The following GPC5 variants were observed in gnomAD, a reference collection of about 807,000 sequenced individuals.
The protein encoded by GPC5 is glypican-5.
A neutral mutation model predicts 53.9 loss-of-function variants in GPC5; 47 were observed. The observed-to-expected ratio is 0.87, with a 90% CI of 0.69 to 1.11. The LOEUF is 1.11. GPC5 is among the 50% of genes most tolerant of loss of function. GPC5 has a pLI of 0.00. For synonymous variants in GPC5, 286 were observed against 263.3 expected (o/e 1.09, Z -0.84); for missense variants, 748 against 713.1 (o/e 1.05, Z -0.56).
At chr13:92,813,454 C>T (rs1473551141) in intron 7 of GPC5, among the ~76,000 whole-genome samples, 1 of 151,930 alleles carries the variant, frequency 6.6e-6, no homozygotes, top group Admixed American at 6.6e-5. Flanking sequence ...ATCTCTTATT[C>T]AGCATTCCCA....
At chr13:92,858,020 T>C (rs1191996370) in intron 7 of GPC5, among the ~76,000 whole-genome samples, 2 of 152,200 alleles carry the variant, frequency 1.3e-5, no homozygotes, top group Non-Finnish European at 2.9e-5. Context: ...CGCACTCATA[T>C]GTTCATCACA....
intron 7 of GPC5, among the ~76,000 whole-genome samples, chr13:92,438,052 C>A (rs1434906384): frequency 1.3e-5 from 2 of 152,028 alleles, no homozygotes; most frequent in African/African-American, 4.8e-5. Flanking sequence ...ATGCTCATAT[C>A]TTCAACCCAC....
intron 7 of GPC5, among the ~76,000 whole-genome samples, chr13:92,375,156 C>T (rs1038358628): frequency 8.5e-5 from 13 of 152,136 alleles, no homozygotes; most frequent in African/African-American, 2.9e-4. Context: ...TTATATAGTC[C>T]TAAAGACTAG....
At chr13:92,089,295 A>G (rs950226142) in intron 6 of GPC5, among the ~76,000 whole-genome samples, 1 of 152,048 alleles carries the variant, frequency 6.6e-6, no homozygotes, top group Non-Finnish European at 1.5e-5. Context: ...TTAGCCAGGC[A>G]TTGTGGCGGG....
chr13:92,461,286 T>G (rs1878468444), intron 7 of GPC5, among the ~76,000 whole-genome samples: 1 of 152,134 alleles, frequency 6.6e-6, no homozygotes, highest in Admixed American at 6.6e-5. Context: ...CTTCTATGGG[T>G]CAGGTCCTGC....
At chr13:91,495,207 C>T (rs2139270168) in intron 2 of GPC5, among the ~76,000 whole-genome samples, 1 of 152,222 alleles carries the variant, frequency 6.6e-6, no homozygotes, top group East Asian at 1.9e-4. Context: ...AATATATCCA[C>T]AATCTGAATA....
At chr13:92,697,130 G>A (rs9523781) in intron 7 of GPC5, among the ~76,000 whole-genome samples, 80,717 of 149,048 alleles carry the variant, frequency 0.54, 22,704 homozygotes, top group East Asian at 0.82. Context: ...GTCAGGTAGC[G>A]TGATGCCTCC....
intron 7 of GPC5, among the ~76,000 whole-genome samples, chr13:92,527,113 AAAGAAAGAAAGAAAGAAAG>A (rs1881318300): frequency 8.3e-5 from 4 of 48,374 alleles, no homozygotes; most frequent in African/African-American, 3.0e-4. Flanking sequence ...AAGAAAAAAG[AAAGAAAGAAAGAAAGAAAG>A]AAAGAAAGAA....
At chr13:92,011,495 T>A (rs1333480398) in intron 6 of GPC5, among the ~76,000 whole-genome samples, 1 of 152,196 alleles carries the variant, frequency 6.6e-6, no homozygotes, top group Non-Finnish European at 1.5e-5. Context: ...TGAATTTTGA[T>A]TTATATTTTT....
intron 7 of GPC5, among the ~76,000 whole-genome samples, chr13:92,839,293 G>C (rs1390838738): frequency 2.0e-5 from 3 of 152,178 alleles, no homozygotes; most frequent in Admixed American, 1.3e-4. Context: ...ATGTTTGACT[G>C]TATTTTCTCT....
chr13:92,394,429 T>TA (rs905165400), intron 7 of GPC5, among the ~76,000 whole-genome samples: 34 of 151,666 alleles, frequency 2.2e-4, no homozygotes, highest in Non-Finnish European at 4.4e-4. Context: ...AGTGCCCTAA[T>TA]AAAAAAAAGA....
At chr13:91,728,286 T>C (rs893289918) in intron 3 of GPC5, among the ~76,000 whole-genome samples, 1 of 152,174 alleles carries the variant, frequency 6.6e-6, no homozygotes, top group African/African-American at 2.4e-5. Context: ...ATTTTGCGTA[T>C]CTTACACATG....
chr13:92,154,642 C>T (rs2041930425), intron 7 of GPC5, among the ~76,000 whole-genome samples: 1 of 152,128 alleles, frequency 6.6e-6, no homozygotes, highest in African/African-American at 2.4e-5. Flanking sequence ...GTACCTTTTC[C>T]ATTTGCCTTT....
At chr13:92,486,353 A>G (rs1363973503) in intron 7 of GPC5, among the ~76,000 whole-genome samples, 2 of 152,228 alleles carry the variant, frequency 1.3e-5, no homozygotes, top group African/African-American at 4.8e-5. Context: ...ATCTGTTGGC[A>G]TCATTGTCAT....
At chr13:92,284,147 G>T (rs946227107) in intron 7 of GPC5, among the ~76,000 whole-genome samples, 1 of 152,086 alleles carries the variant, frequency 6.6e-6, no homozygotes, top group Non-Finnish European at 1.5e-5. Context: ...AGAAGAAATG[G>T]ACAAATTCTT....
intron 7 of GPC5, among the ~76,000 whole-genome samples, chr13:92,767,413 G>T (rs1875446005): frequency 6.6e-6 from 1 of 152,312 alleles, no homozygotes; most frequent in African/African-American, 2.4e-5. Context: ...AGAGGTTGCA[G>T]TGAGCCGGGA....
At chr13:91,410,132 T>A (rs1465457895) in intron 1 of GPC5, among the ~76,000 whole-genome samples, 1 of 152,202 alleles carries the variant, frequency 6.6e-6, no homozygotes, top group African/African-American at 2.4e-5. Flanking sequence ...TCAGAAAGTA[T>A]TTCTCTTTAT....
At chr13:91,591,415 T>C (rs1275839750) in intron 2 of GPC5, among the ~76,000 whole-genome samples, 1 of 152,182 alleles carries the variant, frequency 6.6e-6, no homozygotes, top group Admixed American at 6.5e-5. Context: ...CTATGTGCCT[T>C]GGGAGTGGTC....
intron 6 of GPC5, among the ~76,000 whole-genome samples, chr13:92,107,367 A>C (rs2041518391): frequency 6.6e-6 from 1 of 151,928 alleles, no homozygotes; most frequent in Non-Finnish European, 1.5e-5. Flanking sequence ...GCTCATGTAT[A>C]TTTTTAGGAC....
Sources: allele counts gnomAD v4.1 joint callset (sites outside exome capture counted in the v4.1 genomes callset), GRCh38; gene constraint gnomAD v4.1.1; transcripts MANE v1.5; gene names NCBI Gene and HGNC (gene_info 2026-07-23, HGNC 2026-07-21).